CALN1: variants seen among roughly 807,000 people sequenced by gnomAD.
CALN1 encodes the protein calcium-binding protein 8.
In CALN1, 17 loss-of-function variants were observed where a neutral mutation model predicts 30.6. The observed-to-expected ratio is 0.56, with a 90% CI of 0.38 to 0.83. The LOEUF is 0.83. Among genes scored for constraint, CALN1 ranks in the 40% least tolerant of loss-of-function variants. The pLI is 0.00. For synonymous variants in CALN1, 156 were observed against 131.4 expected (o/e 1.19, Z -1.28); for missense variants, 291 against 354.9 (o/e 0.82, Z 1.45).
At chr7:72,202,256 C>A (rs1307533703) in intron 3 of CALN1, among the ~76,000 whole-genome samples, 1 of 152,000 alleles carries the variant, frequency 6.6e-6, no homozygotes, top group Non-Finnish European at 1.5e-5. Context: ...TTGAGAAGTT[C>A]TCCAAGAATG....
intron 2 of CALN1, among the ~76,000 whole-genome samples, chr7:72,371,693 T>C (rs1804252579): frequency 6.6e-6 from 1 of 152,234 alleles, no homozygotes; most frequent in Non-Finnish European, 1.5e-5. Context: ...GTATGTGTTA[T>C]GTATTATGCA....
chr7:72,262,020 A>AG (rs1302822302), intron 3 of CALN1, among the ~76,000 whole-genome samples: 1 of 152,220 alleles, frequency 6.6e-6, no homozygotes, highest in Non-Finnish European at 1.5e-5. Context: ...TTCGCTCTTC[A>AG]AACACCACCT....
intron 2 of CALN1, among the ~76,000 whole-genome samples, chr7:72,392,635 T>TC (rs1283873497): frequency 2.0e-5 from 3 of 152,112 alleles, no homozygotes; most frequent in Non-Finnish European, 2.9e-5. Flanking sequence ...TATTGACTAA[T>TC]CCTCTCCCTT....
chr7:72,053,821 A>G (rs1584839443), intron 4 of CALN1, among the ~76,000 whole-genome samples: 1 of 124,404 alleles, frequency 8.0e-6, no homozygotes, highest in East Asian at 2.6e-4. Flanking sequence ...CCCAAAGTCC[A>G]TCGTATCATT....
At chr7:72,286,100 C>T (rs1798062840) in intron 2 of CALN1, among the ~76,000 whole-genome samples, 1 of 152,098 alleles carries the variant, frequency 6.6e-6, no homozygotes, top group African/African-American at 2.4e-5. Context: ...AGTGGTGCAG[C>T]CTTGAAGTCA....
chr7:71,897,808 C>G (rs1450636607), intron 5 of CALN1, among the ~76,000 whole-genome samples: 1 of 150,582 alleles, frequency 6.6e-6, no homozygotes, highest in Non-Finnish European at 1.5e-5. Context: ...CCCAAACCAG[C>G]AAAAACAGCA....
At chr7:71,893,488 T>C (rs1793367740) in intron 5 of CALN1, among the ~76,000 whole-genome samples, 1 of 151,986 alleles carries the variant, frequency 6.6e-6, no homozygotes, top group East Asian at 1.9e-4. Flanking sequence ...GCCCAGGAAT[T>C]GAGACCAGCC....
intron 3 of CALN1, among the ~76,000 whole-genome samples, chr7:72,209,664 G>C (rs1792249086): frequency 6.6e-6 from 1 of 151,428 alleles, no homozygotes; most frequent in South Asian, 2.1e-4. Context: ...CAGAAAAAAA[G>C]AAAACAAAAA....
At chr7:71,886,580 C>T (rs1792921228) in intron 5 of CALN1, among the ~76,000 whole-genome samples, 1 of 152,096 alleles carries the variant, frequency 6.6e-6, no homozygotes, top group South Asian at 2.1e-4. Context: ...CGAGACCAGC[C>T]TGGTTAACAT....
intron 3 of CALN1, among the ~76,000 whole-genome samples, chr7:72,232,484 G>A (rs367674079): frequency 1.3e-5 from 2 of 151,920 alleles, no homozygotes; most frequent in Admixed American, 6.6e-5. Flanking sequence ...TTTTTGAGAC[G>A]GAGTCTCACT....
intron 1 of CALN1, among the ~76,000 whole-genome samples, chr7:72,446,654 T>C (rs1412290556): frequency 6.6e-6 from 1 of 152,170 alleles, no homozygotes; most frequent in Non-Finnish European, 1.5e-5. Context: ...GGGCACCGAT[T>C]TGACAGGCAA....
intron 2 of CALN1, among the ~76,000 whole-genome samples, chr7:72,387,674 A>G (rs1158836889): frequency 6.6e-6 from 1 of 152,158 alleles, no homozygotes; most frequent in Non-Finnish European, 1.5e-5. Context: ...CAATATACAT[A>G]CCCAATACTT....
chr7:72,414,121 C>A (rs142073200), upstream of CALN1, among the ~76,000 whole-genome samples: 1 of 152,082 alleles, frequency 6.6e-6, no homozygotes, highest in Admixed American at 6.5e-5. Flanking sequence ...AGGTATGAGA[C>A]GGATTCACTC....
chr7:72,325,465 G>C (rs1801204395), intron 2 of CALN1, among the ~76,000 whole-genome samples: 1 of 152,086 alleles, frequency 6.6e-6, no homozygotes, highest in Admixed American at 6.6e-5. Context: ...GCCGGGCGTG[G>C]TGGTGAGCAC....
intron 5 of CALN1, among the ~76,000 whole-genome samples, chr7:72,018,650 T>C (rs1396404910): frequency 6.6e-6 from 1 of 152,130 alleles, no homozygotes; most frequent in African/African-American, 2.4e-5. Context: ...GGAAGCCGCA[T>C]TTGTAGCCAA....
intron 2 of CALN1, among the ~76,000 whole-genome samples, chr7:72,295,455 G>C (rs1798786636): frequency 6.6e-6 from 1 of 151,970 alleles, no homozygotes; most frequent in Admixed American, 6.6e-5. Flanking sequence ...GCCTTGGGCA[G>C]TATGGCCATT....
chr7:72,404,193 C>G (rs929401724), intron 1 of CALN1, among the ~76,000 whole-genome samples: 1 of 152,198 alleles, frequency 6.6e-6, no homozygotes, highest in Non-Finnish European at 1.5e-5. Context: ...TAAGGCACCC[C>G]TCGTCTCTGC....
intron 2 of CALN1, among the ~76,000 whole-genome samples, chr7:72,402,193 G>A (rs575351274): frequency 6.6e-6 from 1 of 152,330 alleles, no homozygotes; most frequent in African/African-American, 2.4e-5. Context: ...CTCTTGGCCA[G>A]GGGTCTCATC....
At chr7:72,092,843 G>A (rs367742034) in intron 4 of CALN1, among the ~76,000 whole-genome samples, 10 of 152,030 alleles carry the variant, frequency 6.6e-5, no homozygotes, top group South Asian at 2.1e-4. Flanking sequence ...GTGATTCCCC[G>A]GGTCTCTTTC....
Sources: allele counts gnomAD v4.1 joint callset (sites outside exome capture counted in the v4.1 genomes callset), GRCh38; gene constraint gnomAD v4.1.1; transcripts MANE v1.5; gene names NCBI Gene and HGNC (gene_info 2026-07-23, HGNC 2026-07-21).